ASB14: variants seen among roughly 807,000 people sequenced by gnomAD.
ASB14 encodes ankyrin repeat and SOCS box protein 14.
ASB14 carries 63 observed loss-of-function variants against 55.6 expected under a neutral mutation model. The observed-to-expected ratio is 1.13, with a 90% confidence interval of 0.92 to 1.40. The LOEUF (loss-of-function observed/expected upper bound fraction) is 1.40. Ranked by LOEUF, ASB14 falls within the 40% of genes most tolerant of loss-of-function variation. ASB14 has a pLI of 0.00. For missense variants in ASB14, 724 were observed against 710.4 expected (o/e 1.02, Z -0.22); for synonymous variants, 256 against 259.9 (o/e 0.98, Z 0.15).
chr3:57,275,129 T>C (rs1489283648), intron 10 of ASB14, among the ~76,000 whole-genome samples: 1 of 152,152 alleles, frequency 6.6e-6, no homozygotes, highest in Non-Finnish European at 1.5e-5. Flanking sequence ...TTTCCCTTTG[T>C]GTGGTTTCAG....
chr3:57,287,135 A>T (rs1452500259), intron 5 of ASB14, among the ~76,000 whole-genome samples: 1 of 152,172 alleles, frequency 6.6e-6, no homozygotes, highest in East Asian at 1.9e-4. Flanking sequence ...TTTGTTGAAG[A>T]TTTTCCTCAG....
chr3:57,289,019 A>G (rs751909954), intron 3 of ASB14, 49 bp downstream of exon 3: 1 of 1,379,294 alleles, frequency 7.3e-7, no homozygotes, highest in South Asian at 1.3e-5. Context: ...CATCCAGCCA[A>G]TGTCACCGTC....
chr3:57,283,173 T>C (rs1447659673), intron 6 of ASB14, 21 bp downstream of exon 6: 2 of 1,552,006 alleles, frequency 1.3e-6, no homozygotes, highest in East Asian at 4.9e-5. Flanking sequence ...GTTAGTGTGC[T>C]GACCAAACAG....
chr3:57,268,660 ATGT>A lies in ASB14; in HGVS notation c.*978_*980del, dbSNP rs2060912183. On this transcript the variant is annotated 3_prime_UTR_variant, in exon 11 of 11. Transcript: ENST00000487349. ...AGGGTCACATCTGTTTTTTGATATG[ATGT>A]TTACATTATAGTTACGTTGACATGT... 4 of 571,338 alleles carry A rather than the reference ATGT, an allele frequency of 7.0e-6. No individual in the cohort carries two copies. The highest frequency in any genetic ancestry group is 1.1e-5 in the Non-Finnish European group (4 of 370,028). 35.4% of individuals were successfully genotyped at this position (571,338 alleles called of 1,614,324 possible).
intron 2 of ASB14, among the ~76,000 whole-genome samples, chr3:57,289,342 G>A (rs1488017979): frequency 3.3e-5 from 5 of 152,070 alleles, no homozygotes; most frequent in Non-Finnish European, 7.4e-5. Flanking sequence ...TCTGTCTTCC[G>A]CATTAGCCTG....
At chr3:57,272,033 TTC>T (rs2060944787) in intron 10 of ASB14, 1 of 152,204 alleles carries the variant, frequency 6.6e-6, no homozygotes. Flanking sequence ...TTGAAATCCC[TTC>T]TAGTTCTGAG....
At chr3:57,279,154 C>T (rs1041975803) in intron 7 of ASB14, among the ~76,000 whole-genome samples, 1 of 151,638 alleles carries the variant, frequency 6.6e-6, no homozygotes, top group Admixed American at 6.6e-5. Context: ...CCTGAGGCTT[C>T]CCATATTGTC....
intron 2 of ASB14, among the ~76,000 whole-genome samples, chr3:57,291,433 C>T (rs1234263276): frequency 6.6e-6 from 1 of 152,126 alleles, no homozygotes; most frequent in African/African-American, 2.4e-5. Flanking sequence ...CAGTGTTGTC[C>T]AACAAAACTC....
chr3:57,269,616 G>C lies in ASB14; in HGVS notation c.*25C>G. 2 of 1,614,116 alleles carry C rather than the reference G, an allele frequency of 1.2e-6. No individual in the cohort carries two copies. The highest frequency in any genetic ancestry group is 2.2e-5 in the South Asian group (2 of 91,072). On this transcript the variant is annotated splice_region_variant and 3_prime_UTR_variant, in exon 11 of 11. Transcript: ENST00000487349. ...AGCCAGTAGTGAGGGGCAGTTTGTT[G>C]TCCTTAGCAGTAGCCAGTCAGAAGA...
rs769290213 is a variant in ASB14 at position 57,276,688 on chromosome 3, G to C, written c.1626C>G (p.Ile542Met). ...RSLKHLCRLK[I>M]RKCMGRLHLR... ...AATGTAACCGTCCCATGCATTTCCG[G>C]ATCTTTAGGCGGCACAAATGTTTTA... Residue 542 changes from isoleucine (I) to methionine (M), a missense_variant, in exon 10 of 11, where the codon ATC becomes ATG. Physicochemically the swap from Ile to Met is conservative, Grantham distance 10. Transcript: ENST00000487349. 21 of 1,613,916 alleles carry C rather than the reference G, an allele frequency of 1.3e-5. No homozygotes were observed. Among genetic ancestry groups the C allele is most frequent in the Non-Finnish European group, 1.8e-5 (21 of 1,179,972 alleles).
At chr3:57,286,897 C>T (rs1461645333) in intron 5 of ASB14, among the ~76,000 whole-genome samples, 1 of 152,170 alleles carries the variant, frequency 6.6e-6, no homozygotes, top group Non-Finnish European at 1.5e-5. Flanking sequence ...CACTTCTTTC[C>T]TATTTTCCAT....
At chr3:57,287,847 G>T in intron 5 of ASB14, 54 bp downstream of exon 5, 1 of 1,508,648 alleles carries the variant, frequency 6.6e-7, no homozygotes, top group Non-Finnish European at 8.9e-7. Context: ...AAACCTGGGG[G>T]CATGAAGGAG....
intron 9 of ASB14, among the ~76,000 whole-genome samples, chr3:57,276,998 G>T (rs974933867): frequency 4.6e-5 from 7 of 152,160 alleles, no homozygotes; most frequent in African/African-American, 1.7e-4. Flanking sequence ...AGGCGGGGTG[G>T]CTCATGCCTG....
rs2061093343 is a variant in ASB14 at position 57,287,947 on chromosome 3, G to A, written c.423C>T (p.Cys141=). 1.3e-6 allele frequency: 2 copies of A among 1,537,130 alleles called. No homozygotes were observed. The highest frequency in any genetic ancestry group is 4.9e-5 in the East Asian group (2 of 40,932). The part of the protein sequence containing the change: ...ENATFLLLNG[C]NPNAKNFEGN... ...CTTCGAAATTCTTAGCATTTGGATTGCAGCCATTGAGAAGAAGAAAAGTGG... is the reference window on the plus strand; with the variant it reads ...CTTCGAAATTCTTAGCATTTGGATTACAGCCATTGAGAAGAAGAAAAGTGG... Residue 141 remains cysteine, a synonymous_variant, in exon 5 of 11, where the codon TGC becomes TGT. Coordinates refer to ENST00000487349, the MANE Select transcript of ASB14 (RefSeq NM_001142733.3).
In ASB14 at chr3:57,280,381, C is replaced by G; in HGVS notation, c.808G>C (p.Glu270Gln). Residue 270 changes from glutamate (E) to glutamine (Q), a missense_variant, in exon 7 of 11, where the codon GAG becomes CAG. Physicochemically the swap from Glu to Gln is conservative, Grantham distance 29. Transcript: ENST00000487349. Reference protein sequence around the residue: ...GNPDAVALLLEYGADANIPKN... With the variant: ...GNPDAVALLLQYGADANIPKN... ...GGGATGTTGGCATCAGCTCCATACTCCAGCAAGAGAGCCACAGCATCTGGA... is the reference window on the plus strand; with the variant it reads ...GGGATGTTGGCATCAGCTCCATACTGCAGCAAGAGAGCCACAGCATCTGGA... The G allele has an allele frequency of 6.4e-7, 1 of 1,551,474 alleles. No homozygotes were observed. The highest frequency in any genetic ancestry group is 8.7e-7 in the Non-Finnish European group (1 of 1,146,862).
intron 8 of ASB14, among the ~76,000 whole-genome samples, 192 bp downstream of exon 8, chr3:57,278,183 CTG>C (rs1481197364): frequency 6.6e-6 from 1 of 152,124 alleles, no homozygotes; most frequent in East Asian, 1.9e-4. Context: ...ACTTTTACCT[CTG>C]TACTGTTTTT....
intron 3 of ASB14, among the ~76,000 whole-genome samples, chr3:57,288,789 A>T (rs2061102829): frequency 7.9e-6 from 1 of 127,152 alleles, no homozygotes; most frequent in Non-Finnish European, 1.5e-5. Context: ...ATCTCGGTTT[A>T]CTGCATCCTC....
At chr3:57,288,132 A>C in intron 4 of ASB14, 23 bp downstream of exon 4, 1 of 1,536,528 alleles carries the variant, frequency 6.5e-7, no homozygotes, top group South Asian at 1.2e-5. Flanking sequence ...CAGAAGCATC[A>C]AGAAGAATCA....
chr3:57,284,473 T>C (rs925145105), intron 5 of ASB14, among the ~76,000 whole-genome samples: 2 of 152,162 alleles, frequency 1.3e-5, no homozygotes, highest in Non-Finnish European at 2.9e-5. Flanking sequence ...ACTTTGTACA[T>C]TGGTATATTG....
Sources: gnomAD v4.1 joint callset for allele counts (sites outside exome capture counted in the v4.1 genomes callset) on GRCh38, gnomAD v4.1.1 for gene constraint, MANE v1.5 for transcripts, NCBI Gene and HGNC (gene_info 2026-07-23, HGNC 2026-07-21) for gene names.